Variants in VIPR2 observed in about 807,000 individuals in gnomAD.
The protein encoded by VIPR2 is vasoactive intestinal polypeptide receptor 2.
VIPR2 carries 48 observed loss-of-function variants against 58.0 expected under a neutral mutation model. The observed-to-expected ratio is 0.83, with a 90% CI of 0.66 to 1.05. The LOEUF is 1.05. Among genes scored for constraint, VIPR2 ranks in the 50% least tolerant of loss-of-function variants. The pLI is 0.00. For missense variants in VIPR2, 534 were observed against 558.0 expected (o/e 0.96, Z 0.43); for synonymous variants, 243 against 235.2 (o/e 1.03, Z -0.30).
chr7:159,119,406 G>A (rs1357637818), intron 2 of VIPR2, among the ~76,000 whole-genome samples: 5 of 152,208 alleles, frequency 3.3e-5, no homozygotes, highest in Non-Finnish European at 5.9e-5. Context: ...GCTCCTGCAG[G>A]ACAACACGTG....
chr7:159,144,844 C>G lies in VIPR2; in HGVS notation c.-73G>C. ...CTAGGTCCCCGCGGTTCCGCCGCCT[C>G]CAGCATGGGCCGGGAGCGAGTGCGC... On this transcript the variant is annotated 5_prime_UTR_variant, in exon 1 of 13. Coordinates refer to ENST00000262178, the MANE Select transcript of VIPR2 (RefSeq NM_003382.5). 8.3e-7 allele frequency: 1 copy of G among 1,210,732 alleles called. No individual in the cohort carries two copies. The allele number at this position is 1,210,732 out of a possible 1,614,324, so 75.0% of individuals were successfully genotyped here. A position where few individuals can be genotyped will look rare whatever the true frequency, so the allele number is the denominator to read the frequency against.
chr7:159,038,803 G>A (rs1417054794), intron 6 of VIPR2, among the ~76,000 whole-genome samples: 5 of 151,936 alleles, frequency 3.3e-5, no homozygotes, highest in Non-Finnish European at 7.4e-5. Context: ...AGCAATTTTG[G>A]TTATATAAAC....
At chr7:159,143,294 A>G (rs1382482963) in intron 1 of VIPR2, among the ~76,000 whole-genome samples, 1 of 152,262 alleles carries the variant, frequency 6.6e-6, no homozygotes, top group Non-Finnish European at 1.5e-5. Context: ...CCGCGAAGTC[A>G]GCACAGGCCT....
chr7:159,114,067 A>G (rs533241637), intron 2 of VIPR2, among the ~76,000 whole-genome samples: 1 of 152,310 alleles, frequency 6.6e-6, no homozygotes, highest in Non-Finnish European at 1.5e-5. Flanking sequence ...AAAGTGTATC[A>G]TTATATTAAG....
chr7:159,121,307 C>T (rs558555174), intron 2 of VIPR2, among the ~76,000 whole-genome samples: 37 of 152,186 alleles, frequency 2.4e-4, no homozygotes, highest in Non-Finnish European at 4.1e-4. Context: ...ATTTACTAGG[C>T]GAGGTTTTCC....
intron 5 of VIPR2, among the ~76,000 whole-genome samples, chr7:159,050,977 A>G (rs545220921): frequency 6.8e-4 from 103 of 152,364 alleles, no homozygotes; most frequent in African/African-American, 2.4e-3. Context: ...GAGAGAAAAT[A>G]ACTGCCAACA....
intron 4 of VIPR2, among the ~76,000 whole-genome samples, chr7:159,072,575 A>G (rs1856459950): frequency 6.6e-6 from 1 of 152,236 alleles, no homozygotes; most frequent in South Asian, 2.1e-4. Flanking sequence ...TAACAAGAGC[A>G]CAAAAACGAA....
chr7:159,093,125 T>G lies in VIPR2; in HGVS notation c.357+10632A>C, dbSNP rs1192840032. On this transcript the variant is annotated intron_variant, in intron 4 of 12. Coordinates refer to ENST00000262178, the MANE Select transcript of VIPR2 (RefSeq NM_003382.5). The surrounding 1 kb of genome is among the most constrained non-coding windows in gnomAD (Gnocchi z 6.7). ...GCTGCTCCCAAGCTGAGAGATGTGGTCCTGCGGGGGCTGGTGGGGGCAGAA... is the reference window on the plus strand; with the variant it reads ...GCTGCTCCCAAGCTGAGAGATGTGGGCCTGCGGGGGCTGGTGGGGGCAGAA... 6.6e-6 allele frequency among the ~76,000 whole-genome samples: 1 copy of G among 152,116 alleles called. No homozygotes were observed. The highest frequency in any genetic ancestry group is 1.5e-5 in the Non-Finnish European group (1 of 68,016).
Position 159,095,373 on chromosome 7 carries a change from G to A in VIPR2, c.357+8384C>T, listed in dbSNP as rs550740836. 6.6e-6 allele frequency among the ~76,000 whole-genome samples: 1 copy of A among 152,148 alleles called. No individual in the cohort carries two copies. The highest frequency in any genetic ancestry group is 1.5e-5 in the Non-Finnish European group (1 of 68,028). On this transcript the variant is annotated intron_variant, in intron 4 of 12. Transcript: ENST00000262178. The surrounding 1 kb of genome is among the most constrained non-coding windows in gnomAD (Gnocchi z 5.2). Reference sequence around the variant, plus strand: ...GAGGGCCGGGCAAATGCTCACAGCCGGTGACAGGGCTCACAGTCGGGGAAC... The same window carrying A: ...GAGGGCCGGGCAAATGCTCACAGCCAGTGACAGGGCTCACAGTCGGGGAAC...
intron 5 of VIPR2, among the ~76,000 whole-genome samples, chr7:159,049,938 G>A (rs1408916678): frequency 2.6e-5 from 4 of 152,220 alleles, no homozygotes; most frequent in African/African-American, 9.6e-5. Flanking sequence ...ATCCTCTGCA[G>A]CAAGATAATC....
chr7:159,044,978 C>T (rs1427751194), intron 5 of VIPR2, among the ~76,000 whole-genome samples: 5 of 152,146 alleles, frequency 3.3e-5, no homozygotes, highest in African/African-American at 4.8e-5. Context: ...GCAACGTTGG[C>T]TAGGCTGATC....
chr7:159,139,228 T>C (rs1797355764), intron 2 of VIPR2, among the ~76,000 whole-genome samples: 2 of 152,212 alleles, frequency 1.3e-5, no homozygotes, highest in African/African-American at 4.8e-5. Flanking sequence ...ATAATTACAA[T>C]ACCATCTCTC....
chr7:159,080,414 A>G (rs2129494871), intron 4 of VIPR2, among the ~76,000 whole-genome samples: 2 of 152,354 alleles, frequency 1.3e-5, no homozygotes, highest in African/African-American at 2.4e-5. Context: ...ACAAAATTCA[A>G]CAACCCTTCA....
chr7:159,071,413 T>C (rs1199680185), intron 4 of VIPR2, among the ~76,000 whole-genome samples: 1 of 152,160 alleles, frequency 6.6e-6, no homozygotes, highest in East Asian at 1.9e-4. Flanking sequence ...CTGTCCCCAT[T>C]TGGGGCCTTC....
intron 2 of VIPR2, among the ~76,000 whole-genome samples, chr7:159,122,373 G>A (rs981731042): frequency 3.3e-5 from 5 of 152,216 alleles, no homozygotes; most frequent in African/African-American, 1.2e-4. Context: ...GAGGCTCCAG[G>A]GGCAAGTGTG....
chr7:159,130,216 C>T (rs1035242857), intron 2 of VIPR2, among the ~76,000 whole-genome samples: 16 of 152,230 alleles, frequency 1.1e-4, no homozygotes, highest in African/African-American at 2.7e-4. Flanking sequence ...AAGCTAACTT[C>T]GAGAGACTTT....
intron 2 of VIPR2, among the ~76,000 whole-genome samples, chr7:159,115,816 C>A (rs1452397277): frequency 6.6e-6 from 1 of 152,264 alleles, no homozygotes; most frequent in Non-Finnish European, 1.5e-5. Flanking sequence ...CCCACGCCCT[C>A]TAGCTGCCCT....
intron 2 of VIPR2, among the ~76,000 whole-genome samples, chr7:159,113,798 C>T (rs1796133960): frequency 6.6e-6 from 1 of 152,084 alleles, no homozygotes; most frequent in Admixed American, 6.6e-5. Context: ...GGGAATGGCA[C>T]AGGAGAGATA....
intron 2 of VIPR2, among the ~76,000 whole-genome samples, chr7:159,117,945 T>C (rs1227910367): frequency 6.6e-6 from 1 of 152,164 alleles, no homozygotes; most frequent in African/African-American, 2.4e-5. Context: ...GAAGCAAATA[T>C]TTCCAATCGC....
Sources: allele counts gnomAD v4.1 joint callset (sites outside exome capture counted in the v4.1 genomes callset), GRCh38; gene constraint gnomAD v4.1.1; non-coding constraint Gnocchi (gnomAD v3.1); transcripts MANE v1.5; gene names NCBI Gene and HGNC (gene_info 2026-07-23, HGNC 2026-07-21).